Variants in VPS33A observed in about 807,000 individuals in gnomAD.
The protein encoded by VPS33A is VPS33A core subunit of CORVET and HOPS complexes.
VPS33A carries 32 observed loss-of-function variants against 71.8 expected under a neutral mutation model. The observed-to-expected ratio is 0.45, with a 90% CI of 0.34 to 0.60. The LOEUF is 0.60. Ranked by LOEUF, VPS33A falls within the 20% of genes least tolerant of loss-of-function variation. VPS33A has a pLI of 0.02. For synonymous variants in VPS33A, 311 were observed against 292.7 expected (o/e 1.06, Z -0.64); for missense variants, 625 against 748.5 (o/e 0.84, Z 1.92).
At chr12:122,250,074 G>A (rs79461763) in intron 5 of VPS33A, 29 bp from the exon 6 acceptor site, 11 of 1,564,688 alleles carry the variant, frequency 7.0e-6, no homozygotes, top group Non-Finnish European at 8.6e-6. Context: ...ATGAGGTGGG[G>A]CCCCCCTGGG....
intron 9 of VPS33A, among the ~76,000 whole-genome samples, chr12:122,239,492 T>C (rs898057078): frequency 6.6e-6 from 1 of 152,096 alleles, no homozygotes; most frequent in African/African-American, 2.4e-5. Flanking sequence ...TCCCAACAGT[T>C]TGGGAGGCCA....
At position 122,230,460 on chromosome 12, in the gene VPS33A, A is replaced by C. The variant is rs1464168706; in HGVS notation, c.*1786T>G. On this transcript the variant is annotated 3_prime_UTR_variant, in exon 13 of 13. Coordinates refer to ENST00000267199, the MANE Select transcript of VPS33A (RefSeq NM_022916.6). ...GCCAGGTGTGGTGGTGCACATCTGT[A>C]ATCCCAGCTACTCAGGAGGCTGAGG... 2 of 152,218 alleles carry C rather than the reference A, an allele frequency of 1.3e-5. No individual in the cohort carries two copies. Among genetic ancestry groups the C allele is most frequent in the Non-Finnish European group, 1.5e-5 (1 of 68,068 alleles). The allele number at this position is 152,218 out of a possible 1,614,324, so 9.4% of individuals were successfully genotyped here.
chr12:122,264,241 A>G, intron 1 of VPS33A, 42 bp from the exon 2 acceptor site: 1 of 1,425,310 alleles, frequency 7.0e-7, no homozygotes, highest in Non-Finnish European at 9.5e-7. Context: ...AGTTAATATC[A>G]GGAATTTTAA....
rs529749439 is a variant in VPS33A at position 122,262,452 on chromosome 12, C to T, written c.297-1005G>A. 8.5e-5 allele frequency among the ~76,000 whole-genome samples: 13 copies of T among 152,222 alleles called. No individual in the cohort carries two copies. In the South Asian group the frequency reaches 2.7e-3, roughly 32 times the overall value. Reference sequence around the variant, plus strand: ...TAAAATGAAAGATCACTTTTGACTCCCACTCCTACTCTCCTTGACAGAGAA... The same window carrying T: ...TAAAATGAAAGATCACTTTTGACTCTCACTCCTACTCTCCTTGACAGAGAA... On this transcript the variant is annotated intron_variant, in intron 3 of 12. Coordinates refer to ENST00000267199, the MANE Select transcript of VPS33A (RefSeq NM_022916.6).
intron 6 of VPS33A, among the ~76,000 whole-genome samples, chr12:122,246,058 C>G (rs891664368): frequency 2.0e-5 from 3 of 152,168 alleles, no homozygotes; most frequent in Admixed American, 1.3e-4. Context: ...TGGAACACCC[C>G]ACATGTGCTC....
intron 8 of VPS33A, 96 bp from the exon 9 acceptor site, chr12:122,240,041 CAT>C (rs1280454292): frequency 1.1e-5 from 11 of 970,462 alleles, no homozygotes; most frequent in Non-Finnish European, 1.3e-5. Context: ...AGAAACTAGA[CAT>C]GTGGCTGGGC....
chr12:122,245,428 C>T (rs1392292417), intron 6 of VPS33A, among the ~76,000 whole-genome samples: 2 of 151,380 alleles, frequency 1.3e-5, no homozygotes, highest in African/African-American at 4.9e-5. Context: ...GAGGACCAAA[C>T]TCTGTTCACG....
At chr12:122,245,835 C>G (rs1207019391) in intron 6 of VPS33A, among the ~76,000 whole-genome samples, 2 of 152,308 alleles carry the variant, frequency 1.3e-5, no homozygotes, top group South Asian at 2.1e-4. Context: ...ATGACAATGA[C>G]AGAGACAAGG....
At chr12:122,258,007 T>C (rs113706430) in intron 4 of VPS33A, among the ~76,000 whole-genome samples, 10 of 152,242 alleles carry the variant, frequency 6.6e-5, no homozygotes, top group African/African-American at 2.4e-4. Context: ...CAAATAGATA[T>C]CCATGTGTAA....
intron 1 of VPS33A, among the ~76,000 whole-genome samples, chr12:122,265,479 C>T (rs1206193382): frequency 6.6e-6 from 1 of 152,178 alleles, no homozygotes; most frequent in East Asian, 1.9e-4. Flanking sequence ...GTACACTTTG[C>T]TCAGTTTCCT....
chr12:122,263,653 G>C lies in VPS33A; in HGVS notation c.215C>G (p.Pro72Arg). ...KMFTLKGNRL[P>R]AADVKNIIFF... ...AATTATATTCTTCACATCAGCTGCC[G>C]GCAAACGATTTCCTTTAAGTGTGAA... is the stretch of plus-strand genomic sequence containing the variant. The change falls in exon 3 of 13, where the codon CCG (proline) becomes CGG (arginine). Residue 72 changes from proline (P) to arginine (R), a missense_variant. Physicochemically the swap from Pro to Arg is moderately radical, Grantham distance 103 (BLOSUM62 -2). Coordinates refer to ENST00000267199, the MANE Select transcript of VPS33A (RefSeq NM_022916.6). 6.2e-7 allele frequency: 1 copy of C among 1,613,030 alleles called. No individual in the cohort carries two copies. The highest frequency in any genetic ancestry group is 8.5e-7 in the Non-Finnish European group (1 of 1,179,290).
At chr12:122,243,915 T>C (rs947705051) in intron 7 of VPS33A, among the ~76,000 whole-genome samples, 2 of 151,934 alleles carry the variant, frequency 1.3e-5, no homozygotes, top group African/African-American at 2.4e-5. Flanking sequence ...CGAGACCCTG[T>C]CAAAAAAAAA....
At chr12:122,251,414 C>G (rs1954842116) in intron 4 of VPS33A, among the ~76,000 whole-genome samples, 2 of 152,168 alleles carry the variant, frequency 1.3e-5, no homozygotes, top group Non-Finnish European at 2.9e-5. Flanking sequence ...CGGAAGAATA[C>G]AGACTTACAC....
intron 9 of VPS33A, among the ~76,000 whole-genome samples, chr12:122,239,455 G>T (rs1954679122): frequency 1.3e-5 from 2 of 152,138 alleles, no homozygotes; most frequent in Admixed American, 1.3e-4. Context: ...TATTTAAGTG[G>T]CCGGGCGCAG....
Position 122,242,298 on chromosome 12 carries a change from C to T in VPS33A, c.1096+84G>A, listed in dbSNP as rs575143821. ...GACAGAGCTGACTCTCCCGAAGAGG[C>T]ATTGTGGTGTTGATGACCTAGGTGT... is the stretch of plus-strand genomic sequence containing the variant. On this transcript the variant is annotated intron_variant, in intron 8 of 12. Transcript: ENST00000267199. The T allele has an allele frequency of 5.8e-5, 88 of 1,525,660 alleles. No individual in the cohort carries two copies. The African/African-American group carries it at 1.1e-3, about 19-fold the overall frequency. The allele number at this position is 1,525,660 out of a possible 1,614,324, so 94.5% of individuals were successfully genotyped here. A position where few individuals can be genotyped will look rare whatever the true frequency, so the allele number is the denominator to read the frequency against.
chr12:122,233,265 A>C lies in VPS33A; in HGVS notation c.1441-297T>G, dbSNP rs866084813. On this transcript the variant is annotated intron_variant, in intron 11 of 12. Coordinates refer to ENST00000267199, the MANE Select transcript of VPS33A (RefSeq NM_022916.6). ...TTTTGAGACAGAGTCTGGCTCTGTC[A>C]CCCAGGCTGGAGTGCAGTGGCATAA... 4.3e-4 allele frequency among the ~76,000 whole-genome samples: 65 copies of C among 151,276 alleles called. 1 individual carries two copies. In the South Asian group the frequency reaches 0.013, roughly 30 times the overall value.
intron 11 of VPS33A, among the ~76,000 whole-genome samples, chr12:122,234,345 T>G (rs1257939825): frequency 1.3e-5 from 2 of 152,082 alleles, no homozygotes; most frequent in Non-Finnish European, 2.9e-5. Context: ...CAGTGCAATC[T>G]CAGCTCACTG....
At chr12:122,245,640 T>A (rs1247985474) in intron 6 of VPS33A, among the ~76,000 whole-genome samples, 1 of 152,104 alleles carries the variant, frequency 6.6e-6, no homozygotes, top group African/African-American at 2.4e-5. Flanking sequence ...GAGACAGGGT[T>A]TCACCATGTT....
intron 6 of VPS33A, chr12:122,248,442 G>T (rs1954804319): frequency 6.6e-6 from 1 of 152,130 alleles, no homozygotes; most frequent in African/African-American, 2.4e-5. Flanking sequence ...GCCTAATTCA[G>T]GATTATTACT....
Sources: allele counts gnomAD v4.1 joint callset (sites outside exome capture counted in the v4.1 genomes callset), GRCh38; gene constraint gnomAD v4.1.1; transcripts MANE v1.5; gene names NCBI Gene and HGNC (gene_info 2026-07-23, HGNC 2026-07-21).